Variants in RUNX2 observed in about 807,000 individuals in gnomAD.
RUNX2 encodes RUNX family transcription factor 2, also known as runt-related transcription factor 2.
A neutral mutation model predicts 51.7 loss-of-function variants in RUNX2; 10 were observed. That is an observed-to-expected ratio of 0.19 (90% CI 0.12 to 0.33). The LOEUF is 0.33. Ranked by LOEUF, RUNX2 falls within the 10% of genes least tolerant of loss-of-function variation. The pLI is 1.00. For synonymous variants in RUNX2, 276 were observed against 273.6 expected (o/e 1.01, Z -0.09); for missense variants, 562 against 691.3 (o/e 0.81, Z 2.10).
intron 5 of RUNX2, among the ~76,000 whole-genome samples, chr6:45,456,130 A>G (rs146253603): frequency 8.2e-4 from 125 of 152,318 alleles, no homozygotes; most frequent in African/African-American, 2.9e-3. Flanking sequence ...AAAAAAAGGT[A>G]AAAAGTCATT....
At chr6:45,425,883 AAC>A (rs899687582) in intron 3 of RUNX2, among the ~76,000 whole-genome samples, 6 of 145,664 alleles carry the variant, frequency 4.1e-5, no homozygotes, top group African/African-American at 1.2e-4. Context: ...AATGGATTTA[AAC>A]ACACACATAC....
chr6:45,345,298 T>C (rs760700863), intron 2 of RUNX2, among the ~76,000 whole-genome samples: 6 of 152,164 alleles, frequency 3.9e-5, no homozygotes, highest in Non-Finnish European at 5.9e-5. Flanking sequence ...TGCTATGAGG[T>C]TGACAGTAAA....
intron 3 of RUNX2, among the ~76,000 whole-genome samples, chr6:45,423,433 A>T (rs999072118): frequency 6.6e-6 from 1 of 151,966 alleles, no homozygotes; most frequent in Non-Finnish European, 1.5e-5. Context: ...CTGCCCGCGC[A>T]GCCTCTCTTT....
At chr6:45,459,427 A>G (rs1342831691) in intron 5 of RUNX2, among the ~76,000 whole-genome samples, 1 of 152,240 alleles carries the variant, frequency 6.6e-6, no homozygotes, top group Non-Finnish European at 1.5e-5. Context: ...CTGTGTGCCT[A>G]CAAGTATGCC....
At position 45,328,350 on chromosome 6, in the gene RUNX2, C is replaced by T; in HGVS notation, c.-177C>T. The T allele has an allele frequency of 7.2e-7, 1 of 1,379,644 alleles. No homozygotes were observed. The highest frequency in any genetic ancestry group is 9.7e-7 in the Non-Finnish European group (1 of 1,030,422). The allele number at this position is 1,379,644 out of a possible 1,614,324, so 85.5% of individuals were successfully genotyped here. A position where few individuals can be genotyped will look rare whatever the true frequency, so the allele number is the denominator to read the frequency against. On this transcript the variant is annotated 5_prime_UTR_variant, in exon 1 of 9. Transcript: ENST00000647337. The stretch of plus-strand genomic sequence containing the variant: ...GCTTCATTCGCCTCACAAACAACCA[C>T]AGAACCACAAGTGCGGTGCAAACTT...
chr6:45,383,047 G>A (rs1488802680), intron 2 of RUNX2, among the ~76,000 whole-genome samples: 1 of 152,154 alleles, frequency 6.6e-6, no homozygotes, highest in African/African-American at 2.4e-5. Flanking sequence ...GGAGTATGCT[G>A]GGCAGGTGCA....
chr6:45,526,809 G>C (rs1277812969), intron 7 of RUNX2, among the ~76,000 whole-genome samples: 3 of 152,090 alleles, frequency 2.0e-5, no homozygotes, highest in East Asian at 1.9e-4. Context: ...AGGTAACTTA[G>C]CTTGTTTGTA....
At chr6:45,377,526 A>C (rs1796978963) in intron 2 of RUNX2, 1 of 151,956 alleles carries the variant, frequency 6.6e-6, no homozygotes, top group African/African-American at 2.4e-5. Context: ...AGGAGTCGAG[A>C]GGCAACTCCA....
chr6:45,492,255 A>C, intron 6 of RUNX2, 141 bp downstream of exon 6: 1 of 744,008 alleles, frequency 1.3e-6, no homozygotes, highest in Admixed American at 2.7e-5. Flanking sequence ...GAAGACACTG[A>C]TTTCTTCTTT....
At chr6:45,488,984 G>A (rs558304070) in intron 5 of RUNX2, among the ~76,000 whole-genome samples, 12 of 152,276 alleles carry the variant, frequency 7.9e-5, no homozygotes, top group Admixed American at 6.5e-4. Flanking sequence ...CCCATCATTC[G>A]AGTGTTACCC....
intron 2 of RUNX2, among the ~76,000 whole-genome samples, chr6:45,401,615 A>G (rs1331481650): frequency 6.6e-6 from 1 of 152,268 alleles, no homozygotes; most frequent in African/African-American, 2.4e-5. Flanking sequence ...TGGATAATGC[A>G]GGCTTTCAAA....
chr6:45,339,702 T>C (rs1789355626), intron 2 of RUNX2, among the ~76,000 whole-genome samples: 1 of 152,152 alleles, frequency 6.6e-6, no homozygotes, highest in African/African-American at 2.4e-5. Context: ...TCTAAGTACA[T>C]AATCAATCTA....
At chr6:45,486,852 T>G (rs2150404004) in intron 5 of RUNX2, among the ~76,000 whole-genome samples, 1 of 152,326 alleles carries the variant, frequency 6.6e-6, no homozygotes. Context: ...AGAGTCAAGT[T>G]TACTTTCATA....
chr6:45,340,721 A>T (rs1789608282), intron 2 of RUNX2, among the ~76,000 whole-genome samples: 1 of 152,110 alleles, frequency 6.6e-6, no homozygotes, highest in Non-Finnish European at 1.5e-5. Flanking sequence ...ACACATATAT[A>T]CTCTATGTGA....
Position 45,548,833 on chromosome 6 carries a change from C to T in RUNX2, c.*1528C>T, listed in dbSNP as rs1487440631. 3.9e-6 allele frequency: 1 copy of T among 259,502 alleles called. No individual in the cohort carries two copies. Among genetic ancestry groups the T allele is most frequent in the Non-Finnish European group, 7.3e-6 (1 of 137,894 alleles). The allele number at this position is 259,502 out of a possible 1,614,324, so 16.1% of individuals were successfully genotyped here. ...AACAACACAACAGGGGAACCCCAAT[C>T]TGCCTTACCCAAGGCCCCACTGGCA... is the stretch of plus-strand genomic sequence containing the variant. On this transcript the variant is annotated 3_prime_UTR_variant, in exon 9 of 9. Coordinates refer to ENST00000647337, the MANE Select transcript of RUNX2 (RefSeq NM_001024630.4).
chr6:45,426,435 G>C (rs769413901), intron 3 of RUNX2, among the ~76,000 whole-genome samples: 14 of 152,282 alleles, frequency 9.2e-5, no homozygotes, highest in African/African-American at 2.4e-4. Context: ...TGGAGAGAGC[G>C]TGTCAACCAT....
intron 5 of RUNX2, among the ~76,000 whole-genome samples, chr6:45,442,212 A>G (rs757675821): frequency 3.9e-5 from 6 of 152,204 alleles, no homozygotes; most frequent in Non-Finnish European, 7.3e-5. Flanking sequence ...ATCTTTACAA[A>G]ATGCCATTTA....
chr6:45,411,071 A>G (rs976284243), intron 2 of RUNX2, among the ~76,000 whole-genome samples: 1 of 152,132 alleles, frequency 6.6e-6, no homozygotes, highest in Admixed American at 6.5e-5. Context: ...CCAAGTCTCC[A>G]CTCCAATATA....
intron 6 of RUNX2, among the ~76,000 whole-genome samples, chr6:45,501,025 G>T (rs1373868733): frequency 6.6e-6 from 1 of 152,204 alleles, no homozygotes; most frequent in Non-Finnish European, 1.5e-5. Flanking sequence ...GTTCGTTCAG[G>T]TGGGAAGGGG....
Sources: gnomAD v4.1 joint callset for allele counts (sites outside exome capture counted in the v4.1 genomes callset) on GRCh38, gnomAD v4.1.1 for gene constraint, MANE v1.5 for transcripts, NCBI Gene and HGNC (gene_info 2026-07-23, HGNC 2026-07-21) for gene names.